Variants in CNTN5 observed in about 807,000 individuals in gnomAD.
CNTN5 encodes the protein contactin 5, also known as contactin-5.
A neutral mutation model predicts 129.1 loss-of-function variants in CNTN5; 77 were observed. The observed-to-expected ratio is 0.60, with a 90% CI of 0.50 to 0.72. The LOEUF (loss-of-function observed/expected upper bound fraction) is 0.72. Ranked by LOEUF, CNTN5 falls within the 30% of genes least tolerant of loss-of-function variation. CNTN5 has a pLI of 0.00. For synonymous variants in CNTN5, 509 were observed against 465.6 expected, an observed-to-expected ratio of 1.09 and a Z score of -1.20; for missense variants, 1,478 against 1,328.8, an observed-to-expected ratio of 1.11 and a Z score of -1.75.
intron 3 of CNTN5, among the ~76,000 whole-genome samples, chr11:99,789,255 A>T (rs956495595): frequency 1.3e-5 from 2 of 151,986 alleles, no homozygotes; most frequent in Non-Finnish European, 2.9e-5. Context: ...TCAAAAATTC[A>T]TACATATTTT....
chr11:100,257,123 A>C (rs930059738), intron 17 of CNTN5, among the ~76,000 whole-genome samples: 8 of 152,082 alleles, frequency 5.3e-5, no homozygotes, highest in African/African-American at 1.9e-4. Flanking sequence ...ACCATTACTG[A>C]GGATTGAGTC....
intron 13 of CNTN5, among the ~76,000 whole-genome samples, chr11:100,185,572 G>T (rs534642147): frequency 6.6e-6 from 1 of 152,322 alleles, no homozygotes; most frequent in South Asian, 2.1e-4. Context: ...ATTTTTGGAA[G>T]CAGAGGAAGG....
chr11:100,089,183 T>A (rs1242581136), intron 13 of CNTN5, among the ~76,000 whole-genome samples: 1 of 152,148 alleles, frequency 6.6e-6, no homozygotes, highest in African/African-American at 2.4e-5. Flanking sequence ...TGGGGTTGTT[T>A]GTTTTTTTCT....
chr11:99,160,559 A>T (rs951050791), intron 1 of CNTN5, among the ~76,000 whole-genome samples: 4 of 152,144 alleles, frequency 2.6e-5, no homozygotes, highest in African/African-American at 7.2e-5. Flanking sequence ...GCTGTACCGA[A>T]CTACTAATCA....
intron 8 of CNTN5, among the ~76,000 whole-genome samples, chr11:99,984,395 A>G (rs1400068319): frequency 1.3e-5 from 2 of 152,160 alleles, no homozygotes; most frequent in East Asian, 3.8e-4. Flanking sequence ...AAGAAAAAAG[A>G]AAAGAAAGAG....
intron 2 of CNTN5, among the ~76,000 whole-genome samples, chr11:99,482,722 T>C (rs948181243): frequency 1.3e-5 from 2 of 152,082 alleles, no homozygotes; most frequent in African/African-American, 4.8e-5. Context: ...CTAGAAGAAC[T>C]TGGGTATGGC....
intron 2 of CNTN5, among the ~76,000 whole-genome samples, chr11:99,365,295 T>C (rs1274621947): frequency 2.0e-5 from 3 of 152,200 alleles, no homozygotes; most frequent in African/African-American, 7.2e-5. Flanking sequence ...TTTAGCATCA[T>C]GCATAGCATA....
At chr11:99,160,752 A>C (rs1226637172) in intron 1 of CNTN5, among the ~76,000 whole-genome samples, 1 of 152,190 alleles carries the variant, frequency 6.6e-6, no homozygotes, top group Non-Finnish European at 1.5e-5. Context: ...AAAGATGAGT[A>C]AGACACAGAA....
chr11:100,227,849 AG>A (rs945500279), intron 16 of CNTN5, among the ~76,000 whole-genome samples: 6 of 152,186 alleles, frequency 3.9e-5, no homozygotes, highest in Admixed American at 2.0e-4. Context: ...TATTAAGGAA[AG>A]GGAGGTAGAT....
intron 1 of CNTN5, among the ~76,000 whole-genome samples, chr11:99,040,558 GA>G (rs1321241170): frequency 5.3e-5 from 8 of 152,088 alleles, no homozygotes; most frequent in African/African-American, 1.9e-4. Flanking sequence ...TAAATTCAAA[GA>G]AAAGATGAGA....
At chr11:99,184,311 A>G (rs538103664) in intron 1 of CNTN5, among the ~76,000 whole-genome samples, 1 of 152,134 alleles carries the variant, frequency 6.6e-6, no homozygotes, top group Admixed American at 6.6e-5. Context: ...ACAGTACTTG[A>G]GTGTGCCATG....
chr11:99,918,052 C>A (rs1040227725), intron 7 of CNTN5, among the ~76,000 whole-genome samples: 16 of 152,144 alleles, frequency 1.1e-4, no homozygotes, highest in African/African-American at 3.9e-4. Context: ...CTGTCTTCTA[C>A]TCACCCCTTT....
At position 99,207,076 on chromosome 11, in the gene CNTN5, T is replaced by C. The variant is rs1020224189; in HGVS notation, c.-209-118270T>C. ...TCACAAGCAGTATTATTACAGCTCT[T>C]ACTGTATTCTAATTATTTTTATTTG... On this transcript the variant is annotated intron_variant, in intron 1 of 24. Transcript: ENST00000524871. 2.0e-5 allele frequency among the ~76,000 whole-genome samples: 3 copies of C among 152,248 alleles called. No homozygotes were observed. In the East Asian group the frequency reaches 5.8e-4, roughly 29 times the overall value.
intron 3 of CNTN5, among the ~76,000 whole-genome samples, chr11:99,769,815 C>A (rs1215933088): frequency 2.3e-3 from 301 of 128,132 alleles, no homozygotes; most frequent in Middle Eastern, 4.1e-3. Context: ...GACCCCGTCT[C>A]AAAAAAAAAA....
At chr11:99,814,105 GAGAC>G (rs1282666240) in intron 3 of CNTN5, among the ~76,000 whole-genome samples, 1 of 152,080 alleles carries the variant, frequency 6.6e-6, no homozygotes, top group Non-Finnish European at 1.5e-5. Context: ...TGCTGAAAGA[GAGAC>G]AGAAGGAATC....
At chr11:100,246,893 G>A (rs1241132730) in intron 16 of CNTN5, among the ~76,000 whole-genome samples, 10 of 152,116 alleles carry the variant, frequency 6.6e-5, no homozygotes, top group African/African-American at 2.4e-4. Context: ...TACGTGCCAT[G>A]CACTGTCCCC....
At chr11:99,853,541 A>C (rs1367825895) in intron 6 of CNTN5, among the ~76,000 whole-genome samples, 1 of 152,092 alleles carries the variant, frequency 6.6e-6, no homozygotes, top group Non-Finnish European at 1.5e-5. Flanking sequence ...TTGAGATTAC[A>C]GGCATGCGCC....
At chr11:99,816,388 G>T (rs1395410791) in intron 3 of CNTN5, among the ~76,000 whole-genome samples, 1 of 152,086 alleles carries the variant, frequency 6.6e-6, no homozygotes, top group Non-Finnish European at 1.5e-5. Flanking sequence ...CCTTACGTCT[G>T]CAGAATCTTA....
chr11:100,300,523 TCA>T (rs1951195490), intron 20 of CNTN5, among the ~76,000 whole-genome samples: 1 of 151,496 alleles, frequency 6.6e-6, no homozygotes, highest in African/African-American at 2.4e-5. Flanking sequence ...CTTGAACAGC[TCA>T]AGAGTATTAT....
Sources: gnomAD v4.1 joint callset for allele counts (sites outside exome capture counted in the v4.1 genomes callset) on GRCh38, gnomAD v4.1.1 for gene constraint, MANE v1.5 for transcripts, NCBI Gene and HGNC (gene_info 2026-07-23, HGNC 2026-07-21) for gene names.